The following PEX12 variants were observed in gnomAD, a reference collection of about 807,000 sequenced individuals.
The protein encoded by PEX12 is peroxisomal biogenesis factor 12.
PEX12 carries 31 observed loss-of-function variants against 32.5 expected under a neutral mutation model. That is an observed-to-expected ratio of 0.95 (90% CI 0.72 to 1.29). The LOEUF (loss-of-function observed/expected upper bound fraction) is 1.29, where lower values mean the gene tolerates loss of function less well. Among genes scored for constraint, PEX12 ranks in the 50% most tolerant of loss-of-function variants. PEX12 has a pLI of 0.00. For synonymous variants in PEX12, 148 were observed against 157.2 expected (o/e 0.94, Z 0.44); for missense variants, 359 against 419.0 (o/e 0.86, Z 1.25).
intron 2 of PEX12, among the ~76,000 whole-genome samples, chr17:35,576,781 G>T (rs1480776597): frequency 1.3e-5 from 2 of 152,092 alleles, no homozygotes; most frequent in Non-Finnish European, 2.9e-5. Flanking sequence ...ACTTCATTGG[G>T]TTGTGTTGAG....
In PEX12 at chr17:35,578,194, C is replaced by G; in HGVS notation, c.-173G>C. 5 of 777,382 alleles carry G rather than the reference C, an allele frequency of 6.4e-6. No homozygotes were observed. Among genetic ancestry groups the G allele is most frequent in the Non-Finnish European group, 2.1e-6 (1 of 468,684 alleles). 48.2% of individuals were successfully genotyped at this position (777,382 alleles called of 1,614,324 possible). ...CAAAAATGAACTGGGAAAAAAAGAC[C>G]TGGAGGCCGAGGGTAGTCTCAAGAA... On this transcript the variant is annotated 5_prime_UTR_variant, in exon 1 of 3. Transcript: ENST00000225873.
At chr17:35,576,933 C>T (rs1281629871) in intron 2 of PEX12, 105 bp downstream of exon 2, 18 of 961,898 alleles carry the variant, frequency 1.9e-5, no homozygotes, top group Middle Eastern at 4.1e-4. Context: ...TTTTCTATGA[C>T]TCTATGAAAT....
In PEX12 at chr17:35,577,929, T is replaced by G. The variant is rs141198490; in HGVS notation, c.93A>C (p.Thr31=). Residue 31 remains threonine, a synonymous_variant, in exon 1 of 3, where the codon ACA becomes ACC. Coordinates refer to ENST00000225873, the MANE Select transcript of PEX12 (RefSeq NM_000286.3). ...CATGCTGAAGAGCGGGTCTCACTGC[T>G]GTCATTAAACTGTCCTGTGCTACCA... ...FEVVAQDSLM[T]AVRPALQHVV... is the part of the protein sequence containing the mutation. The G allele has an allele frequency of 3.7e-6, 6 of 1,614,226 alleles. No homozygotes were observed. Among genetic ancestry groups the G allele is most frequent in the Non-Finnish European group, 1.7e-6 (2 of 1,180,028 alleles).
intron 2 of PEX12, 146 bp from the exon 3 acceptor site, chr17:35,576,327 G>C: frequency 1.4e-6 from 1 of 731,566 alleles, no homozygotes; most frequent in Admixed American, 2.1e-5. Context: ...ATCTCCTTAA[G>C]GATCTATTCT....
rs2072776132 is a variant in PEX12 at position 35,574,992 on chromosome 17, CCTTT to C, written c.*786_*789del. On this transcript the variant is annotated 3_prime_UTR_variant, in exon 3 of 3. Coordinates refer to ENST00000225873, the MANE Select transcript of PEX12 (RefSeq NM_000286.3). ...AAGCAGAAAGAACTTATTAAAATATCCTTTCTTTACACAATTAGATTAGTATTTT... is the reference window on the plus strand; with the variant it reads ...AAGCAGAAAGAACTTATTAAAATATCCTTTACACAATTAGATTAGTATTTT... 1 of 152,590 alleles carries C rather than the reference CCTTT, an allele frequency of 6.6e-6. No individual in the cohort carries two copies. The highest frequency in any genetic ancestry group is 1.5e-5 in the Non-Finnish European group (1 of 68,042). 9.5% of individuals were successfully genotyped at this position (152,590 alleles called of 1,614,324 possible). A position where few individuals can be genotyped will look rare whatever the true frequency, so the allele number is the denominator to read the frequency against.
At position 35,576,193 on chromosome 17, in the gene PEX12, AAAG is replaced by A. The variant is rs1351066763; in HGVS notation, c.681-15_681-13del. 6.2e-7 allele frequency: 1 copy of A among 1,613,754 alleles called. No individual in the cohort carries two copies. Among genetic ancestry groups the A allele is most frequent in the East Asian group, 2.2e-5 (1 of 44,888 alleles). On this transcript the variant is annotated splice_polypyrimidine_tract_variant and intron_variant, in intron 2 of 2. Coordinates refer to ENST00000225873, the MANE Select transcript of PEX12 (RefSeq NM_000286.3). ...TCTTCTCACTAACACTGTTGGGAGA[AAAG>A]AACAAGGAGGCAAAGAGAGAAACTT...
At chr17:35,577,857 C>T (rs757880339) in intron 1 of PEX12, 39 bp downstream of exon 1, 2 of 1,613,390 alleles carry the variant, frequency 1.2e-6, no homozygotes, top group Admixed American at 3.3e-5. Flanking sequence ...GTTTTTTACC[C>T]AGTTGTCCCT....
In PEX12 at chr17:35,576,700, G is replaced by A. The variant is rs1398662057; in HGVS notation, c.680+338C>T. On this transcript the variant is annotated intron_variant, in intron 2 of 2. Coordinates refer to ENST00000225873, the MANE Select transcript of PEX12 (RefSeq NM_000286.3). ...GAATCCCAGCTCTGCCACCTTCTATGTACCTACGTGACTTTGGCAAGGTAC... is the reference window on the plus strand; with the variant it reads ...GAATCCCAGCTCTGCCACCTTCTATATACCTACGTGACTTTGGCAAGGTAC... Among the ~76,000 whole-genome samples, 3 of 152,100 alleles carry A rather than the reference G, an allele frequency of 2.0e-5. No homozygotes were observed. In the East Asian group the frequency reaches 5.8e-4, roughly 29 times the overall value.
In PEX12 at chr17:35,576,158, G is replaced by A. The variant is rs765654384; in HGVS notation, c.704C>T (p.Ala235Val). 2 of 1,614,126 alleles carry A rather than the reference G, an allele frequency of 1.2e-6. No individual in the cohort carries two copies. Among genetic ancestry groups the A allele is most frequent in the South Asian group, 2.2e-5 (2 of 91,088 alleles). The change falls in exon 3 of 3, where the codon GCT becomes GTT. Residue 235 changes from alanine to valine, a missense_variant. By Grantham distance (64) the Ala-to-Val change is moderately conservative. Transcript: ENST00000225873. Reference protein sequence around the residue: ...ARSVSEKINSALKKAVGGVAL... With the variant: ...ARSVSEKINSVLKKAVGGVAL... ...AACACCCCCAACAGCTTTCTTCAGA[G>A]CTGAGTTTATCTTCTCACTAACACT...
rs1175728240 is a variant in PEX12 at position 35,578,561 on chromosome 17, C to T, written c.-540G>A. 5.0e-6 allele frequency: 1 copy of T among 201,786 alleles called. No homozygotes were observed. Among genetic ancestry groups the T allele is most frequent in the Non-Finnish European group, 1.0e-5 (1 of 95,576 alleles). The allele number at this position is 201,786 out of a possible 1,614,324, so 12.5% of individuals were successfully genotyped here. On this transcript the variant is annotated 5_prime_UTR_variant, in exon 1 of 3. Transcript: ENST00000225873. ...GACGCCACGTTTGAAGGGAGGTCTC[C>T]GCTTTATGACAGAAGCCGCACCCGG...
chr17:35,578,093 G>A lies in PEX12; in HGVS notation c.-72C>T, dbSNP rs2072798724. 2.0e-5 allele frequency: 32 copies of A among 1,584,248 alleles called. No homozygotes were observed. Among genetic ancestry groups the A allele is most frequent in the East Asian group, 4.5e-5 (2 of 44,674 alleles). ...TGAGCATGAACTTTTTCGGGAGGAAGAGTATCAGATGGGTGCTCAGTCTTA... is the reference window on the plus strand; with the variant it reads ...TGAGCATGAACTTTTTCGGGAGGAAAAGTATCAGATGGGTGCTCAGTCTTA... On this transcript the variant is annotated 5_prime_UTR_variant, in exon 1 of 3. Coordinates refer to ENST00000225873, the MANE Select transcript of PEX12 (RefSeq NM_000286.3).
chr17:35,576,209 AAG>A (rs2072784465), intron 2 of PEX12, 28 bp from the exon 3 acceptor site: 3 of 1,610,346 alleles, frequency 1.9e-6, no homozygotes, highest in African/African-American at 1.3e-5. Context: ...CAAGGAGGCA[AAG>A]AGAGAAACTT....
rs143036724 is a variant in PEX12 at position 35,577,646 on chromosome 17, C to T, written c.127-55G>A. The T allele has an allele frequency of 1.6e-4, 248 of 1,515,194 alleles. 1 individual carries two copies. In the African/African-American group the frequency reaches 2.0e-3, roughly 12 times the overall value. 93.9% of individuals were successfully genotyped at this position (1,515,194 alleles called of 1,614,324 possible). A position where few individuals can be genotyped will look rare whatever the true frequency, so the allele number is the denominator to read the frequency against. On this transcript the variant is annotated intron_variant, in intron 1 of 2. Coordinates refer to ENST00000225873, the MANE Select transcript of PEX12 (RefSeq NM_000286.3). The stretch of plus-strand genomic sequence containing the variant: ...TCATTCCATTACACAAGTTCTACAC[C>T]TATTTACATTCCCCCTTTTCCTCTA...
chr17:35,576,813 G>GC (rs2072788127), intron 2 of PEX12, among the ~76,000 whole-genome samples: 1 of 152,156 alleles, frequency 6.6e-6, no homozygotes, highest in Non-Finnish European at 1.5e-5. Flanking sequence ...TGTACGTAAA[G>GC]CAAGCACCTA....
chr17:35,577,534 T>G lies in PEX12; in HGVS notation c.184A>C (p.Ile62Leu). ...AGCAGAAGATCTAGCAGAGTAAAGATTTCATCAAACCACCTCCACAAGAAG... is the reference window on the plus strand; with the variant it reads ...AGCAGAAGATCTAGCAGAGTAAAGAGTTCATCAAACCACCTCCACAAGAAG... Reference protein sequence around the residue: ...YGFLWRWFDEIFTLLDLLLQQ... With the variant: ...YGFLWRWFDELFTLLDLLLQQ... The change falls in exon 2 of 3, where the codon ATC (isoleucine) becomes CTC (leucine). Residue 62 changes from isoleucine to leucine, a missense_variant. Transcript: ENST00000225873. The G allele has an allele frequency of 6.2e-7, 1 of 1,613,738 alleles. No individual in the cohort carries two copies. Among genetic ancestry groups the G allele is most frequent in the Non-Finnish European group, 8.5e-7 (1 of 1,180,020 alleles).
chr17:35,577,580 T>C lies in PEX12; in HGVS notation c.138A>G (p.Glu46=), dbSNP rs1054829779. ...ALQHVVKVLA[E]SNPTHYGFLW... ...AGAAGCCATAGTGGGTGGGATTTGA[T>C]TCTGCAAGAACCTAAAGCAAAATAA... The change falls in exon 2 of 3, where the codon GAA becomes GAG. Residue 46 remains glutamate (E), a synonymous_variant. Coordinates refer to ENST00000225873, the MANE Select transcript of PEX12 (RefSeq NM_000286.3). 3 of 1,612,840 alleles carry C rather than the reference T, an allele frequency of 1.9e-6. No homozygotes were observed. In the African/African-American group the frequency reaches 4.0e-5, roughly 22 times the overall value.
intron 1 of PEX12, 117 bp downstream of exon 1, chr17:35,577,779 G>A: frequency 7.0e-7 from 1 of 1,428,604 alleles, no homozygotes. Flanking sequence ...TAAGTCATGG[G>A]ATACAAGTTA....
At position 35,577,876 on chromosome 17, in the gene PEX12, T is replaced by G. The variant is rs1282572478; in HGVS notation, c.126+20A>C. ...TTTACCCAGTTGTCCCTAAAACCTTTCCAAGAATTAATACCTTACCTTGAC... is the reference window on the plus strand; with the variant it reads ...TTTACCCAGTTGTCCCTAAAACCTTGCCAAGAATTAATACCTTACCTTGAC... On this transcript the variant is annotated intron_variant, in intron 1 of 2. Coordinates refer to ENST00000225873, the MANE Select transcript of PEX12 (RefSeq NM_000286.3). The G allele has an allele frequency of 6.2e-7, 1 of 1,614,036 alleles. No homozygotes were observed. Among genetic ancestry groups the G allele is most frequent in the Non-Finnish European group, 8.5e-7 (1 of 1,180,002 alleles).
chr17:35,576,477 T>C (rs1021143791), intron 2 of PEX12, among the ~76,000 whole-genome samples: 25 of 140,070 alleles, frequency 1.8e-4, no homozygotes, highest in Admixed American at 4.3e-4. Flanking sequence ...TAGTGGAAGA[T>C]AGTGATCCAG....
Sources: gnomAD v4.1 joint callset for allele counts (sites outside exome capture counted in the v4.1 genomes callset) on GRCh38, gnomAD v4.1.1 for gene constraint, MANE v1.5 for transcripts, NCBI Gene and HGNC (gene_info 2026-07-23, HGNC 2026-07-21) for gene names.